The following MAGI1 variants were observed in gnomAD, a reference collection of about 807,000 sequenced individuals.
MAGI1 encodes membrane-associated guanylate kinase, WW and PDZ domain-containing protein 1.
A neutral mutation model predicts 139.9 loss-of-function variants in MAGI1; 58 were observed. The ratio of observed to expected loss-of-function variants is 0.41; its 90% CI spans 0.34 to 0.52. MAGI1 has a LOEUF of 0.52. Among genes scored for constraint, MAGI1 ranks in the 20% least tolerant of loss-of-function variants. The pLI, the probability that MAGI1 is intolerant of heterozygous loss-of-function variation, is 0.12. For synonymous variants in MAGI1, 812 were observed against 737.9 expected (o/e 1.10, Z -1.63); for missense variants, 1,874 against 1,901.6 (o/e 0.99, Z 0.27).
chr3:65,986,993 C>T (rs1353980139), intron 1 of MAGI1, among the ~76,000 whole-genome samples: 1 of 151,572 alleles, frequency 6.6e-6, no homozygotes, highest in African/African-American at 2.4e-5. Context: ...GCCTCAGTTT[C>T]CAGAGTAGCT....
intron 2 of MAGI1, among the ~76,000 whole-genome samples, chr3:65,546,045 G>C (rs2079489471): frequency 5.9e-5 from 9 of 151,292 alleles, no homozygotes; most frequent in Admixed American, 4.6e-4. Flanking sequence ...ATCTCCCTCT[G>C]TCCCAACCCT....
At chr3:65,919,194 A>T (rs1315979538) in intron 1 of MAGI1, among the ~76,000 whole-genome samples, 4 of 152,208 alleles carry the variant, frequency 2.6e-5, no homozygotes, top group Admixed American at 1.3e-4. Context: ...CCCCCAGGAG[A>T]CAAAATGCTG....
At chr3:65,530,640 T>G (rs1395038485) in intron 2 of MAGI1, among the ~76,000 whole-genome samples, 1 of 129,648 alleles carries the variant, frequency 7.7e-6, no homozygotes, top group African/African-American at 3.9e-5. Context: ...TGTGTGTGTG[T>G]GTGTGTGTGT....
At chr3:65,575,086 T>C (rs984156389) in intron 2 of MAGI1, among the ~76,000 whole-genome samples, 1 of 152,040 alleles carries the variant, frequency 6.6e-6, no homozygotes, top group Admixed American at 6.6e-5. Flanking sequence ...TAAAAATCTC[T>C]GTTCCCCAAA....
chr3:65,357,238 A>G (rs1386784534), intron 22 of MAGI1, 106 bp from the exon 23 acceptor site: 14 of 1,173,320 alleles, frequency 1.2e-5, no homozygotes, highest in African/African-American at 1.5e-5. Context: ...CAAGCAAACA[A>G]CTGTTAAAGC....
chr3:65,819,875 CAAA>C lies in MAGI1; in HGVS notation c.314-197790_314-197788del, dbSNP rs3077818. Among the ~76,000 whole-genome samples the C allele has an allele frequency of 1.3e-3, 45 of 33,472 alleles. 1 individual carries two copies. The highest frequency in any genetic ancestry group is 3.6e-3 in the East Asian group (4 of 1,126). 22.0% of individuals were successfully genotyped at this position (33,472 alleles called of 152,430 possible). A position where few individuals can be genotyped will look rare whatever the true frequency, so the allele number is the denominator to read the frequency against. ...CTAGCCACAGAGCAAGACTCCATCT[CAAA>C]AAAAAAAAAAAAAAAAAAAGGAAGG... On this transcript the variant is annotated intron_variant, in intron 1 of 22. Coordinates refer to ENST00000402939, the MANE Select transcript of MAGI1 (RefSeq NM_001033057.2).
intron 6 of MAGI1, chr3:65,448,314 T>C (rs1253373655): frequency 1.0e-5 from 6 of 575,386 alleles, no homozygotes; most frequent in Middle Eastern, 4.7e-4. Flanking sequence ...AGGATTTGAT[T>C]GGTTGTAAAA....
intron 2 of MAGI1, among the ~76,000 whole-genome samples, chr3:65,515,852 G>A (rs1053461118): frequency 5.3e-5 from 8 of 152,176 alleles, no homozygotes; most frequent in Non-Finnish European, 1.0e-4. Flanking sequence ...ACAACAGCAA[G>A]CCTGGCACTT....
At chr3:65,494,484 A>G (rs1407363583) in intron 2 of MAGI1, among the ~76,000 whole-genome samples, 1 of 152,180 alleles carries the variant, frequency 6.6e-6, no homozygotes, top group Non-Finnish European at 1.5e-5. Flanking sequence ...AAGGAAAATA[A>G]ACCAAACAGC....
intron 2 of MAGI1, among the ~76,000 whole-genome samples, chr3:65,515,980 T>C (rs1351979142): frequency 6.6e-6 from 1 of 152,148 alleles, no homozygotes; most frequent in Non-Finnish European, 1.5e-5. Flanking sequence ...GCACAGGGAA[T>C]TGAAATAGCA....
At chr3:65,853,535 T>C (rs1428965139) in intron 1 of MAGI1, among the ~76,000 whole-genome samples, 1 of 152,180 alleles carries the variant, frequency 6.6e-6, no homozygotes, top group Non-Finnish European at 1.5e-5. Context: ...GAAGTTGGAA[T>C]GTATCAAAAC....
intron 2 of MAGI1, among the ~76,000 whole-genome samples, chr3:65,529,639 T>C (rs2078547195): frequency 6.6e-6 from 1 of 152,218 alleles, no homozygotes; most frequent in Non-Finnish European, 1.5e-5. Flanking sequence ...TTTCCAACTT[T>C]TGGCTACTGT....
intron 1 of MAGI1, among the ~76,000 whole-genome samples, chr3:65,943,446 G>A (rs2063405458): frequency 6.6e-6 from 1 of 151,992 alleles, no homozygotes; most frequent in Admixed American, 6.5e-5. Context: ...GTGGTGGCAG[G>A]CGCCTGTAAT....
At chr3:65,643,008 CA>C (rs1277715951) in intron 1 of MAGI1, among the ~76,000 whole-genome samples, 1 of 152,176 alleles carries the variant, frequency 6.6e-6, no homozygotes. Context: ...ACACGTTTGA[CA>C]AAACAGAAGT....
intron 1 of MAGI1, among the ~76,000 whole-genome samples, chr3:65,728,466 C>CA (rs2033848476): frequency 6.6e-6 from 1 of 152,174 alleles, no homozygotes; most frequent in South Asian, 2.1e-4. Flanking sequence ...TTAAAAACAG[C>CA]TGCTGCTGTG....
rs79088833 is a variant in MAGI1, at chr3:65,368,688, T to G, written c.3197-3742A>C. 4.2e-3 allele frequency among the ~76,000 whole-genome samples: 644 copies of G among 152,328 alleles called. 7 individuals are homozygous for G. The highest frequency in any genetic ancestry group is 0.015 in the African/African-American group (617 of 41,570). ...TATCTAAGGGCGGCATGGGGAAATT[T>G]GAATCCCATAAATATTTGAAAAGTT... On this transcript the variant is annotated intron_variant, in intron 18 of 22. Coordinates refer to ENST00000402939, the MANE Select transcript of MAGI1 (RefSeq NM_001033057.2).
chr3:65,735,077 T>C (rs2034597655), intron 1 of MAGI1, among the ~76,000 whole-genome samples: 1 of 152,192 alleles, frequency 6.6e-6, no homozygotes, highest in Non-Finnish European at 1.5e-5. Flanking sequence ...AATAAATTAC[T>C]CCTGAAACAC....
At chr3:65,901,579 G>A (rs1227915051) in intron 1 of MAGI1, among the ~76,000 whole-genome samples, 1 of 152,176 alleles carries the variant, frequency 6.6e-6, no homozygotes, top group Non-Finnish European at 1.5e-5. Flanking sequence ...TATCGCTGTG[G>A]AAAATAAAGA....
intron 1 of MAGI1, among the ~76,000 whole-genome samples, chr3:65,669,335 T>C (rs1576663068): frequency 6.6e-6 from 1 of 152,188 alleles, no homozygotes; most frequent in East Asian, 1.9e-4. Flanking sequence ...AAAATTGCTC[T>C]TGTTTGATGA....
Sources: gnomAD v4.1 joint callset for allele counts (sites outside exome capture counted in the v4.1 genomes callset) on GRCh38, gnomAD v4.1.1 for gene constraint, MANE v1.5 for transcripts, NCBI Gene and HGNC (gene_info 2026-07-23, HGNC 2026-07-21) for gene names.